Variants in TBC1D15 observed in about 807,000 individuals in gnomAD.
The protein encoded by TBC1D15 is TBC1 domain family member 15.
In TBC1D15, 39 loss-of-function variants were observed where a neutral mutation model predicts 95.4. The ratio of observed to expected loss-of-function variants is 0.41; its 90% confidence interval spans 0.32 to 0.53. The LOEUF (loss-of-function observed/expected upper bound fraction) is 0.53. TBC1D15 is among the 20% of genes least tolerant of loss of function. The pLI is 0.29. For synonymous variants in TBC1D15, 258 were observed against 261.3 expected (o/e 0.99, Z 0.12); for missense variants, 733 against 794.3 (o/e 0.92, Z 0.93).
chr12:71,848,984 A>G (rs1887046440), intron 1 of TBC1D15, among the ~76,000 whole-genome samples: 1 of 152,204 alleles, frequency 6.6e-6, no homozygotes, highest in African/African-American at 2.4e-5. Flanking sequence ...GTTTGCAGGA[A>G]ATAGAATTTT....
intron 1 of TBC1D15, among the ~76,000 whole-genome samples, chr12:71,853,662 C>T (rs1230528719): frequency 6.6e-6 from 1 of 152,044 alleles, no homozygotes; most frequent in Non-Finnish European, 1.5e-5. Context: ...TTTTTGGGTG[C>T]TAGATATTTT....
chr12:71,884,340 G>A (rs1478577859), intron 4 of TBC1D15, among the ~76,000 whole-genome samples: 1 of 151,860 alleles, frequency 6.6e-6, no homozygotes, highest in Non-Finnish European at 1.5e-5. Flanking sequence ...GAGAATTTTC[G>A]GTATACTTGG....
chr12:71,858,441 A>G (rs968895995), intron 1 of TBC1D15, among the ~76,000 whole-genome samples: 1 of 149,268 alleles, frequency 6.7e-6, no homozygotes, highest in African/African-American at 2.5e-5. Context: ...GCTATTGTGA[A>G]TAGTGCTGCA....
At chr12:71,856,866 T>G (rs1456176306) in intron 1 of TBC1D15, among the ~76,000 whole-genome samples, 1 of 152,136 alleles carries the variant, frequency 6.6e-6, no homozygotes, top group East Asian at 1.9e-4. Flanking sequence ...ACTTGTAGAG[T>G]AGACCTTTGA....
At chr12:71,850,306 G>C in intron 1 of TBC1D15, 1 of 445,998 alleles carries the variant, frequency 2.2e-6, no homozygotes, top group Non-Finnish European at 4.3e-6. Flanking sequence ...ATACTGGCTA[G>C]AGTGGTTTGA....
intron 11 of TBC1D15, 138 bp from the exon 12 acceptor site, chr12:71,913,688 G>A (rs1592825276): frequency 8.6e-6 from 5 of 581,412 alleles, no homozygotes; most frequent in Non-Finnish European, 3.0e-6. Context: ...TCTTTTCTTG[G>A]TGAACATCAG....
At chr12:71,906,479 A>G (rs1274975815) in intron 10 of TBC1D15, among the ~76,000 whole-genome samples, 3 of 152,214 alleles carry the variant, frequency 2.0e-5, no homozygotes, top group Non-Finnish European at 4.4e-5. Flanking sequence ...TTATAATGAC[A>G]TCTAAAGTAA....
chr12:71,839,930 G>A (rs971712082), intron 1 of TBC1D15, 119 bp downstream of exon 1: 9 of 1,287,676 alleles, frequency 7.0e-6, no homozygotes, highest in Non-Finnish European at 8.8e-6. Flanking sequence ...AACCCGTGGC[G>A]TCTGTAGGAG....
At chr12:71,842,674 T>TA (rs1487989316) in intron 1 of TBC1D15, among the ~76,000 whole-genome samples, 33 of 150,450 alleles carry the variant, frequency 2.2e-4, no homozygotes, top group African/African-American at 7.6e-4. Flanking sequence ...CTATGAAAAA[T>TA]AAAAAAATTA....
intron 3 of TBC1D15, among the ~76,000 whole-genome samples, chr12:71,877,407 A>T (rs1894124979): frequency 6.9e-6 from 1 of 144,870 alleles, no homozygotes. Flanking sequence ...TTTAGTGATG[A>T]TTTCTTCCCC....
At chr12:71,863,222 C>G (rs770151265) in intron 1 of TBC1D15, among the ~76,000 whole-genome samples, 1 of 151,834 alleles carries the variant, frequency 6.6e-6, no homozygotes, top group Non-Finnish European at 1.5e-5. Flanking sequence ...ACTAAAAATA[C>G]AAAAAATTAG....
intron 1 of TBC1D15, among the ~76,000 whole-genome samples, chr12:71,870,919 T>A (rs1892534324): frequency 1.3e-5 from 2 of 152,178 alleles, no homozygotes; most frequent in African/African-American, 4.8e-5. Flanking sequence ...ATAGTGCTTG[T>A]CTTGCATTGC....
At position 71,872,964 on chromosome 12, in the gene TBC1D15, T is replaced by C. The variant is rs1219087581; in HGVS notation, c.165T>C (p.Asp55=). 6 of 1,610,420 alleles carry C rather than the reference T, an allele frequency of 3.7e-6. No individual in the cohort carries two copies. Among genetic ancestry groups the C allele is most frequent in the Admixed American group, 3.4e-5 (2 of 59,230 alleles). ...TAATAGTGGACTGGAGACCATTGGA[T>C]GATGCATTAGATTCCTCTAGTATTC... is the stretch of plus-strand genomic sequence containing the variant. ...AEVIVDWRPL[D]DALDSSSILY... Residue 55 remains aspartate, a synonymous_variant, in exon 3 of 17, where the codon GAT becomes GAC. Coordinates refer to ENST00000485960, the MANE Select transcript of TBC1D15 (RefSeq NM_001146213.3).
rs371656327 is a variant in TBC1D15 at position 71,920,715 on chromosome 12, C to G, written c.1600-16C>G. The G allele has an allele frequency of 2.5e-6, 4 of 1,580,284 alleles. No homozygotes were observed. Among genetic ancestry groups the G allele is most frequent in the African/African-American group, 1.3e-5 (1 of 74,234 alleles). On this transcript the variant is annotated splice_polypyrimidine_tract_variant and intron_variant, in intron 14 of 16. Transcript: ENST00000485960. ...AATTGATACAATTTGCAAAATAGTT[C>G]TTCTGCCTTCTATAGGTAATGTGGA...
intron 10 of TBC1D15, among the ~76,000 whole-genome samples, chr12:71,905,188 A>T (rs1018339643): frequency 6.6e-6 from 1 of 151,928 alleles, no homozygotes; most frequent in African/African-American, 2.4e-5. Context: ...GAGAATACAA[A>T]CAACTTTTTT....
intron 1 of TBC1D15, chr12:71,861,354 A>G: frequency 1.0e-6 from 1 of 985,150 alleles, no homozygotes. Context: ...CTTTAATGGG[A>G]GACTTTTCAT....
At chr12:71,902,547 C>T (rs1363945441) in intron 10 of TBC1D15, among the ~76,000 whole-genome samples, 1 of 152,134 alleles carries the variant, frequency 6.6e-6, no homozygotes, top group Non-Finnish European at 1.5e-5. Context: ...TTAAACTGGA[C>T]CCCTACCTTT....
At chr12:71,873,055 G>A (rs1036084380) in intron 3 of TBC1D15, 52 bp downstream of exon 3, 6 of 1,234,714 alleles carry the variant, frequency 4.9e-6, no homozygotes, top group Middle Eastern at 4.0e-4. Flanking sequence ...AAAAATAACA[G>A]TATTATCCAT....
intron 1 of TBC1D15, among the ~76,000 whole-genome samples, chr12:71,864,399 T>A (rs1891033829): frequency 6.6e-6 from 1 of 152,080 alleles, no homozygotes; most frequent in African/African-American, 2.4e-5. Context: ...TGTGCCTCCA[T>A]TGATGTCCTT....
Sources: gnomAD v4.1 joint callset for allele counts (sites outside exome capture counted in the v4.1 genomes callset) on GRCh38, gnomAD v4.1.1 for gene constraint, MANE v1.5 for transcripts, NCBI Gene and HGNC (gene_info 2026-07-23, HGNC 2026-07-21) for gene names.